Variants in LRP5 observed in about 807,000 individuals in gnomAD.
LRP5 encodes LDL receptor related protein 5.
A neutral mutation model predicts 154.1 loss-of-function variants in LRP5; 62 were observed. The observed-to-expected ratio is 0.40, with a 90% CI of 0.33 to 0.50. The LOEUF is 0.50. Among genes scored for constraint, LRP5 ranks in the 20% least tolerant of loss-of-function variants. LRP5 has a pLI of 0.55. For missense variants in LRP5, 1,915 were observed against 2,336.7 expected (o/e 0.82, Z 3.72); for synonymous variants, 966 against 1,011.5 (o/e 0.96, Z 0.85).
chr11:68,347,050 G>A (rs2098613600), intron 1 of LRP5, among the ~76,000 whole-genome samples: 1 of 152,188 alleles, frequency 6.6e-6, no homozygotes, highest in Admixed American at 6.5e-5. Flanking sequence ...GAGCCAGCCT[G>A]GCCGCAGGCA....
At chr11:68,429,553 T>C (rs2098670791) in intron 16 of LRP5, 22 bp from the exon 17 acceptor site, 2 of 1,613,674 alleles carry the variant, frequency 1.2e-6, no homozygotes, top group Non-Finnish European at 1.7e-6. Context: ...TGACCTCTGT[T>C]TGTCTTGTTT....
At chr11:68,411,718 T>C (rs891874051) in intron 11 of LRP5, 98 bp downstream of exon 11, 5 of 1,303,926 alleles carry the variant, frequency 3.8e-6, no homozygotes, top group Non-Finnish European at 5.2e-6. Flanking sequence ...GCCTGCAAGT[T>C]CCCCAACCTG....
rs1307426165 is a variant in LRP5, at chr11:68,414,030, C to T, written c.2827+18C>T. On this transcript the variant is annotated intron_variant, in intron 12 of 22. Transcript: ENST00000294304. Reference sequence around the variant, plus strand: ...CTGCAGCCGTAAGTGCCTCATGGTCCCCCGCACCTCACTCCCTCGTTAGAT... The same window carrying T: ...CTGCAGCCGTAAGTGCCTCATGGTCTCCCGCACCTCACTCCCTCGTTAGAT... 6.3e-7 allele frequency: 1 copy of T among 1,598,248 alleles called. No homozygotes were observed. The highest frequency in any genetic ancestry group is 2.2e-5 in the East Asian group (1 of 44,756).
intron 4 of LRP5, among the ~76,000 whole-genome samples, chr11:68,364,194 C>G (rs1467166288): frequency 6.6e-6 from 1 of 151,316 alleles, no homozygotes. Flanking sequence ...CTGCAGAGCT[C>G]ATGGGGGCTA....
At chr11:68,350,891 CGTGTGT>C (rs140197409) in intron 2 of LRP5, among the ~76,000 whole-genome samples, 5 of 150,772 alleles carry the variant, frequency 3.3e-5, no homozygotes, top group Non-Finnish European at 5.9e-5. Context: ...AGGATGTGAG[CGTGTGT>C]GTGTGTGTGT....
chr11:68,310,595 G>A (rs1398793965), upstream of LRP5, among the ~76,000 whole-genome samples: 1 of 152,064 alleles, frequency 6.6e-6, no homozygotes, highest in East Asian at 1.9e-4. Flanking sequence ...ACTCCAGCCT[G>A]GGCAACAGAG....
At chr11:68,360,992 A>G (rs1452521558) in intron 3 of LRP5, among the ~76,000 whole-genome samples, 1,221 of 24,684 alleles carry the variant, frequency 0.049, no homozygotes, top group Middle Eastern at 0.17. Flanking sequence ...GCAAGACTCT[A>G]TCTCAAAAAA....
chr11:68,442,956 G>T (rs2098678960), intron 21 of LRP5, among the ~76,000 whole-genome samples: 1 of 152,086 alleles, frequency 6.6e-6, no homozygotes, highest in South Asian at 2.1e-4. Flanking sequence ...TGTCAGGCGT[G>T]GCTGGGCCCC....
intron 1 of LRP5, among the ~76,000 whole-genome samples, chr11:68,341,779 C>G (rs1301615573): frequency 6.6e-6 from 1 of 152,082 alleles, no homozygotes; most frequent in African/African-American, 2.4e-5. Flanking sequence ...TCTCATGTAG[C>G]ATGCAGCCCC....
At chr11:68,299,350 C>G in the LRP5 span, among the ~76,000 whole-genome samples, 1 of 152,050 alleles carries the variant, frequency 6.6e-6, no homozygotes, top group Non-Finnish European at 1.5e-5. Context: ...CTCAAGGGGA[C>G]AAAGGAGGGG....
At position 68,312,794 on chromosome 11, in the gene LRP5, C is replaced by G. The variant is rs2153110234; in HGVS notation, c.80C>G (p.Ala27Gly). 1.9e-6 allele frequency: 2 copies of G among 1,077,434 alleles called. No individual in the cohort carries two copies. Among genetic ancestry groups the G allele is most frequent in the Middle Eastern group, 4.3e-4 (1 of 2,324 alleles). The allele number at this position is 1,077,434 out of a possible 1,614,324, so 66.7% of individuals were successfully genotyped here. Residue 27 changes from alanine to glycine, a missense_variant, in exon 1 of 23, where the codon GCC (alanine) becomes GGC (glycine). Physicochemically the swap from Ala to Gly is moderately conservative, Grantham distance 60 (BLOSUM62 0). Coordinates refer to ENST00000294304, the MANE Select transcript of LRP5 (RefSeq NM_002335.4). Reference protein sequence around the residue: ...LLLLALCGCPAPAAASPLLLF... With the variant: ...LLLLALCGCPGPAAASPLLLF... ...CTGCTGGCGCTGTGCGGCTGCCCGG[C>G]CCCCGCCGCGGGTAGGTGGGCGCAG...
chr11:68,422,499 GTCCTC>G (rs1021157450), intron 13 of LRP5, among the ~76,000 whole-genome samples: 4 of 152,182 alleles, frequency 2.6e-5, no homozygotes, highest in Admixed American at 2.6e-4. Flanking sequence ...CTTCTGGGCT[GTCCTC>G]TCCTCCTACG....
Position 68,386,066 on chromosome 11 carries a change from C to A in LRP5, c.1016-250C>A, listed in dbSNP as rs1301698506. On this transcript the variant is annotated intron_variant, in intron 5 of 22. Transcript: ENST00000294304. This position sits in a 1 kb window ranked among gnomAD's most constrained non-coding sequence, Gnocchi z 7.9. ...GTGTGGCTCTCAGCTGCGTGCATAACCTCTCAGTGCTTCAGTTCTCTCATT... is the reference window on the plus strand; with the variant it reads ...GTGTGGCTCTCAGCTGCGTGCATAAACTCTCAGTGCTTCAGTTCTCTCATT... 2.0e-5 allele frequency among the ~76,000 whole-genome samples: 3 copies of A among 152,162 alleles called. No individual in the cohort carries two copies. Among genetic ancestry groups the A allele is most frequent in the Non-Finnish European group, 2.9e-5 (2 of 68,022 alleles).
intron 5 of LRP5, among the ~76,000 whole-genome samples, chr11:68,382,879 T>G (rs1365242373): frequency 1.0e-5 from 1 of 97,812 alleles, no homozygotes; most frequent in African/African-American, 3.0e-5. Context: ...GTTACTTTAA[T>G]GATTTTTTTT....
At chr11:68,396,978 G>A (rs1009668554) in intron 7 of LRP5, among the ~76,000 whole-genome samples, 12 of 152,174 alleles carry the variant, frequency 7.9e-5, no homozygotes, top group South Asian at 2.1e-4. Flanking sequence ...TCTTCTCACC[G>A]TTTTTCCAGC....
intron 9 of LRP5, among the ~76,000 whole-genome samples, chr11:68,407,882 G>A (rs186758399): frequency 6.7e-4 from 102 of 152,194 alleles, no homozygotes; most frequent in African/African-American, 2.2e-3. Flanking sequence ...TAACCAAAGC[G>A]CATCTGTTTA....
chr11:68,367,349 A>G (rs1402444870), intron 5 of LRP5, among the ~76,000 whole-genome samples: 1 of 152,192 alleles, frequency 6.6e-6, no homozygotes, highest in East Asian at 1.9e-4. Context: ...CAGGTGGCAT[A>G]GTAGGTTCTA....
At chr11:68,307,529 T>A in the LRP5 span, among the ~76,000 whole-genome samples, 1 of 152,170 alleles carries the variant, frequency 6.6e-6, no homozygotes, top group Non-Finnish European at 1.5e-5. Context: ...TACTGGCACA[T>A]ACCTGTAGTC....
At chr11:68,412,279 G>A (rs1471065405) in intron 11 of LRP5, among the ~76,000 whole-genome samples, 1 of 152,134 alleles carries the variant, frequency 6.6e-6, no homozygotes, top group African/African-American at 2.4e-5. Flanking sequence ...AGGTGACAGG[G>A]GCAACTGTGC....
Sources: gnomAD v4.1 joint callset for allele counts (sites outside exome capture counted in the v4.1 genomes callset) on GRCh38, gnomAD v4.1.1 for gene constraint, Gnocchi (gnomAD v3.1) non-coding constraint, MANE v1.5 for transcripts, NCBI Gene and HGNC (gene_info 2026-07-23, HGNC 2026-07-21) for gene names.